WDR27: variants seen among roughly 807,000 people sequenced by gnomAD.
WDR27 encodes the protein WD repeat-containing protein 27.
Under a neutral mutation model 114.4 loss-of-function variants are expected in WDR27, and 100 were observed. The ratio of observed to expected loss-of-function variants is 0.87; its 90% confidence interval spans 0.74 to 1.03. WDR27 has a LOEUF of 1.03. Ranked by LOEUF, WDR27 falls within the 50% of genes least tolerant of loss-of-function variation. WDR27 has a pLI of 0.00. For synonymous variants in WDR27, 449 were observed against 423.1 expected (o/e 1.06, Z -0.75); for missense variants, 1,129 against 1,092.9 (o/e 1.03, Z -0.47).
Position 169,636,419 on chromosome 6 carries a change from A to G in WDR27, c.1955T>C (p.Phe652Ser), listed in dbSNP as rs759744071. ...GTCAATGTGATACCTCAGTAGCTGAAATTCAGGGCCAGAAGATAACAATAT... is the reference window on the plus strand; with the variant it reads ...GTCAATGTGATACCTCAGTAGCTGAGATTCAGGGCCAGAAGATAACAATAT... ...AFILLSSGPE[F>S]QLLRYHIDTC... The change falls in exon 19 of 26, where the codon TTT becomes TCT. Residue 652 changes from phenylalanine (F) to serine (S), a missense_variant. Transcript: ENST00000448612. 1 of 1,614,010 alleles carries G rather than the reference A, an allele frequency of 6.2e-7. No individual in the cohort carries two copies. Among genetic ancestry groups the G allele is most frequent in the South Asian group, 1.1e-5 (1 of 91,078 alleles).
chr6:169,639,854 G>C (rs546779455), intron 17 of WDR27, among the ~76,000 whole-genome samples: 1 of 152,290 alleles, frequency 6.6e-6, no homozygotes, highest in East Asian at 1.9e-4. Context: ...CCACCTGACG[G>C]TTCTAAGAAG....
At chr6:169,476,116 G>A (rs1787115807) in intron 25 of WDR27, among the ~76,000 whole-genome samples, 1 of 152,216 alleles carries the variant, frequency 6.6e-6, no homozygotes, top group African/African-American at 2.4e-5. Context: ...TAATGTAAAA[G>A]AGTCTTGGAA....
At chr6:169,624,015 T>C (rs1172442762) in intron 21 of WDR27, among the ~76,000 whole-genome samples, 1 of 152,100 alleles carries the variant, frequency 6.6e-6, no homozygotes, top group Non-Finnish European at 1.5e-5. Context: ...ATTGGGGACA[T>C]GGGGCCCTGG....
intron 25 of WDR27, among the ~76,000 whole-genome samples, chr6:169,544,094 C>T (rs968450245): frequency 5.9e-5 from 9 of 152,162 alleles, no homozygotes; most frequent in Non-Finnish European, 1.0e-4. Flanking sequence ...AAGAGAGGAA[C>T]ATTGCCTTGA....
intron 23 of WDR27, among the ~76,000 whole-genome samples, chr6:169,597,785 C>T (rs1287666330): frequency 6.6e-6 from 1 of 151,714 alleles, no homozygotes; most frequent in East Asian, 1.9e-4. Flanking sequence ...CCTCCATGGC[C>T]CTAAAGTTTT....
chr6:169,596,195 T>C (rs1465726780), intron 23 of WDR27, among the ~76,000 whole-genome samples: 3 of 152,102 alleles, frequency 2.0e-5, no homozygotes, highest in African/African-American at 7.2e-5. Flanking sequence ...TATCATAGTA[T>C]TTGTTCTGTT....
intron 1 of WDR27, among the ~76,000 whole-genome samples, chr6:169,697,272 C>T (rs761911119): frequency 1.3e-5 from 2 of 152,238 alleles, no homozygotes; most frequent in South Asian, 2.1e-4. Flanking sequence ...GACCAGAGTG[C>T]GAGCCTTCTG....
At chr6:169,491,499 T>C (rs1026010508) in intron 25 of WDR27, among the ~76,000 whole-genome samples, 2 of 151,828 alleles carry the variant, frequency 1.3e-5, no homozygotes, top group African/African-American at 2.4e-5. Context: ...ATAGAAATTA[T>C]ATATAAAATA....
At chr6:169,461,023 G>T (rs1466325912) in intron 25 of WDR27, among the ~76,000 whole-genome samples, 2 of 150,998 alleles carry the variant, frequency 1.3e-5, no homozygotes, top group African/African-American at 4.9e-5. Flanking sequence ...AAGGCTAAAA[G>T]AAACAAAATA....
At chr6:169,583,841 T>A (rs1055823141) in intron 23 of WDR27, among the ~76,000 whole-genome samples, 1 of 152,144 alleles carries the variant, frequency 6.6e-6, no homozygotes, top group South Asian at 2.1e-4. Flanking sequence ...CCTACAGATA[T>A]GAAGATAATA....
intron 25 of WDR27, among the ~76,000 whole-genome samples, chr6:169,487,238 CATT>C (rs1479265117): frequency 6.6e-6 from 1 of 152,158 alleles, no homozygotes; most frequent in Non-Finnish European, 1.5e-5. Context: ...CAGCGAATAC[CATT>C]ATTTTTTATA....
At chr6:169,449,619 C>T in the WDR27 span, among the ~76,000 whole-genome samples, 1 of 152,280 alleles carries the variant, frequency 6.6e-6, no homozygotes, top group African/African-American at 2.4e-5. Flanking sequence ...CCATCTCTTG[C>T]CTGGAGGTCA....
At chr6:169,514,477 C>G (rs1166760852) in intron 25 of WDR27, among the ~76,000 whole-genome samples, 1 of 147,012 alleles carries the variant, frequency 6.8e-6, no homozygotes, top group Non-Finnish European at 1.5e-5. Flanking sequence ...TATACACATA[C>G]AAATATATAT....
intron 25 of WDR27, among the ~76,000 whole-genome samples, chr6:169,554,383 G>A (rs1024417384): frequency 6.6e-6 from 1 of 152,172 alleles, no homozygotes; most frequent in African/African-American, 2.4e-5. Context: ...AAGAAAATAC[G>A]AGCAAAGCTG....
chr6:169,615,785 T>A (rs533395318), intron 21 of WDR27, among the ~76,000 whole-genome samples: 1 of 152,240 alleles, frequency 6.6e-6, no homozygotes, highest in South Asian at 2.1e-4. Context: ...ACAAGTGGGA[T>A]CTAATTAAAC....
At position 169,541,367 on chromosome 6, in the gene WDR27, G is replaced by GT. The variant is rs139575391; in HGVS notation, c.2645+31051dup. On this transcript the variant is annotated intron_variant, in intron 25 of 25. Transcript: ENST00000448612. ...CCCACAACGATCTACTCTGAGCTGT[G>GT]TATCAGTGAAACAATCAGACTTCAT... Among the ~76,000 whole-genome samples, 497 of 152,332 alleles carry GT rather than the reference G, an allele frequency of 3.3e-3. 6 individuals are homozygous for GT. The highest frequency in any genetic ancestry group is 0.029 in the East Asian group (152 of 5,180).
chr6:169,430,882 C>T, the WDR27 span, among the ~76,000 whole-genome samples: 2 of 152,142 alleles, frequency 1.3e-5, no homozygotes, highest in African/African-American at 4.8e-5. Context: ...ATAGGCGGCC[C>T]CTCTCAAGTG....
chr6:169,430,576 A>C, the WDR27 span, among the ~76,000 whole-genome samples: 1 of 152,202 alleles, frequency 6.6e-6, no homozygotes, highest in Non-Finnish European at 1.5e-5. Flanking sequence ...TTCAAATGGA[A>C]AGCTGTAGCT....
chr6:169,644,877 C>T lies in WDR27; in HGVS notation c.1658-1091G>A, dbSNP rs1344998051. ...ACAAAAAATTAGCCGGGCGTAGTGG[C>T]GGGCGCCTGTAGTCCCAGCTACTTG... On this transcript the variant is annotated intron_variant, in intron 16 of 25. Coordinates refer to ENST00000448612, the MANE Select transcript of WDR27 (RefSeq NM_182552.5). 2.4e-4 allele frequency among the ~76,000 whole-genome samples: 24 copies of T among 102,094 alleles called. 6 individuals carry two copies. Among genetic ancestry groups the T allele is most frequent in the Non-Finnish European group, 3.5e-4 (19 of 54,360 alleles). The allele number at this position is 102,094 out of a possible 152,430, so 67.0% of individuals were successfully genotyped here.
Sources: allele counts gnomAD v4.1 joint callset (sites outside exome capture counted in the v4.1 genomes callset), GRCh38; gene constraint gnomAD v4.1.1; transcripts MANE v1.5; gene names NCBI Gene and HGNC (gene_info 2026-07-23, HGNC 2026-07-21).